EYS: variants seen among roughly 807,000 people sequenced by gnomAD.
EYS encodes the protein EGF-like photoreceptor maintenance factor.
A neutral mutation model predicts 282.1 loss-of-function variants in EYS; 250 were observed. The observed-to-expected ratio is 0.89, with a 90% CI of 0.80 to 0.98. The LOEUF (loss-of-function observed/expected upper bound fraction) is 0.98. Ranked by LOEUF, EYS falls within the 50% of genes least tolerant of loss-of-function variation. EYS has a pLI of 0.00. For missense variants in EYS, 4,016 were observed against 3,709.0 expected (o/e 1.08, Z -2.15); for synonymous variants, 1,355 against 1,282.9 (o/e 1.06, Z -1.20).
intron 19 of EYS, among the ~76,000 whole-genome samples, chr6:64,837,317 A>T (rs1252921036): frequency 2.0e-5 from 3 of 151,502 alleles, no homozygotes; most frequent in African/African-American, 7.3e-5. Context: ...CTAGGCATAG[A>T]AGAAACACAC....
At chr6:65,489,964 A>G (rs1765974758) in intron 5 of EYS, 1 of 152,144 alleles carries the variant, frequency 6.6e-6, no homozygotes, top group Non-Finnish European at 1.5e-5. Flanking sequence ...AACATTACAC[A>G]TTGGGGCCTG....
chr6:65,665,788 C>T (rs1768176865), intron 1 of EYS, among the ~76,000 whole-genome samples: 1 of 151,988 alleles, frequency 6.6e-6, no homozygotes, highest in Non-Finnish European at 1.5e-5. Flanking sequence ...ACTAAATTTA[C>T]ATAACCATGA....
intron 26 of EYS, among the ~76,000 whole-genome samples, chr6:64,474,243 T>C (rs753367895): frequency 6.6e-6 from 1 of 152,220 alleles, no homozygotes; most frequent in South Asian, 2.1e-4. Context: ...GTGACTTCTA[T>C]ATATAAATTT....
At chr6:64,627,752 C>G (rs754678438) in intron 22 of EYS, among the ~76,000 whole-genome samples, 2 of 152,176 alleles carry the variant, frequency 1.3e-5, no homozygotes, top group Non-Finnish European at 1.5e-5. Flanking sequence ...AGATCCTTAC[C>G]TAGCTGAAGA....
At chr6:65,397,914 A>G (rs1399303026) in intron 7 of EYS, among the ~76,000 whole-genome samples, 1 of 151,990 alleles carries the variant, frequency 6.6e-6, no homozygotes, top group Admixed American at 6.6e-5. Flanking sequence ...CCTTGCCAAC[A>G]TCTGTTGTTT....
At chr6:65,205,167 C>T (rs1766005546) in intron 12 of EYS, among the ~76,000 whole-genome samples, 1 of 149,250 alleles carries the variant, frequency 6.7e-6, no homozygotes, top group African/African-American at 2.5e-5. Context: ...TATAGGGGGT[C>T]TAATGGCTAG....
At chr6:64,661,295 C>T (rs1334838139) in intron 22 of EYS, among the ~76,000 whole-genome samples, 1 of 152,118 alleles carries the variant, frequency 6.6e-6, no homozygotes, top group Non-Finnish European at 1.5e-5. Flanking sequence ...TAGAAGAAAA[C>T]CTAGGCAATA....
At chr6:65,275,700 A>T (rs1410771226) in intron 12 of EYS, among the ~76,000 whole-genome samples, 1 of 152,192 alleles carries the variant, frequency 6.6e-6, no homozygotes, top group Non-Finnish European at 1.5e-5. Flanking sequence ...CTTGAAAAGG[A>T]TATAAATTGG....
chr6:63,924,728 G>T (rs1258217381), intron 35 of EYS, among the ~76,000 whole-genome samples: 1 of 152,144 alleles, frequency 6.6e-6, no homozygotes, highest in East Asian at 1.9e-4. Flanking sequence ...TACTTTCTAA[G>T]ATTCTATAAC....
chr6:65,247,875 A>G (rs1249693733), intron 12 of EYS, among the ~76,000 whole-genome samples: 2 of 152,038 alleles, frequency 1.3e-5, no homozygotes, highest in Non-Finnish European at 2.9e-5. Context: ...ATAAAATTTG[A>G]CCAAGGTTAT....
At chr6:64,983,400 G>A (rs550631356) in intron 14 of EYS, among the ~76,000 whole-genome samples, 3 of 151,310 alleles carry the variant, frequency 2.0e-5, no homozygotes, top group South Asian at 4.2e-4. Flanking sequence ...GAGCATATGA[G>A]CTATTTGTGT....
chr6:64,607,570 C>T (rs1323558757), intron 24 of EYS, among the ~76,000 whole-genome samples: 1 of 152,046 alleles, frequency 6.6e-6, no homozygotes, highest in Non-Finnish European at 1.5e-5. Flanking sequence ...ATGACTGAAT[C>T]ACCTCCCAAA....
rs1470712187 is a variant in EYS, at chr6:64,703,408, CACATAT to C, written c.3444-77169_3444-77164del. On this transcript the variant is annotated intron_variant, in intron 22 of 42. Coordinates refer to ENST00000503581, the MANE Select transcript of EYS (RefSeq NM_001142800.2). ...ACACACACACACACACACACACACA[CACATAT>C]ATATATATATATATATTTTTTTTTT... is the stretch of plus-strand genomic sequence containing the variant. 3.8e-3 allele frequency among the ~76,000 whole-genome samples: 120 copies of C among 31,342 alleles called. 1 individual carries two copies. Among genetic ancestry groups the C allele is most frequent in the African/African-American group, 9.5e-3 (116 of 12,274 alleles). 20.6% of individuals were successfully genotyped at this position (31,342 alleles called of 152,430 possible).
intron 35 of EYS, among the ~76,000 whole-genome samples, chr6:63,911,183 T>C (rs1405570022): frequency 2.0e-5 from 3 of 152,044 alleles, no homozygotes; most frequent in Non-Finnish European, 4.4e-5. Context: ...CAGTCGCTTT[T>C]CCCACAAATC....
intron 19 of EYS, among the ~76,000 whole-genome samples, chr6:64,841,718 G>A (rs1436973521): frequency 6.6e-6 from 1 of 152,150 alleles, no homozygotes; most frequent in Admixed American, 6.6e-5. Context: ...GAGACAATTG[G>A]CACTATCACA....
At chr6:64,872,175 G>A (rs1163823150) in intron 19 of EYS, among the ~76,000 whole-genome samples, 2 of 151,966 alleles carry the variant, frequency 1.3e-5, no homozygotes, top group Non-Finnish European at 2.9e-5. Flanking sequence ...TCTCAAGGAG[G>A]TAATGACTCC....
intron 35 of EYS, among the ~76,000 whole-genome samples, chr6:63,885,346 T>C (rs990729613): frequency 2.0e-5 from 3 of 152,204 alleles, no homozygotes; most frequent in African/African-American, 7.2e-5. Flanking sequence ...CCATTTTTGG[T>C]GTTTGCTTCA....
rs1764814128 is a variant in EYS at position 65,363,974 on chromosome 6, C to T, written c.1300-10357G>A. Reference sequence around the variant, plus strand: ...TTTAATTATCTTTTTTATTGTGCTACAATAATATCTTAATTATTGGGGCTT... The same window carrying T: ...TTTAATTATCTTTTTTATTGTGCTATAATAATATCTTAATTATTGGGGCTT... On this transcript the variant is annotated intron_variant, in intron 8 of 42. Coordinates refer to ENST00000503581, the MANE Select transcript of EYS (RefSeq NM_001142800.2). 4.0e-5 allele frequency among the ~76,000 whole-genome samples: 6 copies of T among 151,240 alleles called. No individual in the cohort carries two copies. The South Asian group carries it at 1.3e-3, about 32-fold the overall frequency.
chr6:64,932,516 T>C (rs1274651979), intron 15 of EYS, among the ~76,000 whole-genome samples: 4 of 151,992 alleles, frequency 2.6e-5, no homozygotes, highest in South Asian at 4.1e-4. Context: ...AACTCGGGAA[T>C]TAGATGTACC....
Sources: allele counts gnomAD v4.1 joint callset (sites outside exome capture counted in the v4.1 genomes callset), GRCh38; gene constraint gnomAD v4.1.1; transcripts MANE v1.5; gene names NCBI Gene and HGNC (gene_info 2026-07-23, HGNC 2026-07-21).